Variants in FRAS1 observed in about 807,000 individuals in gnomAD.
The protein encoded by FRAS1 is Fraser extracellular matrix complex subunit 1.
In FRAS1, 290 loss-of-function variants were observed where a neutral mutation model predicts 435.2. The ratio of observed to expected loss-of-function variants is 0.67; its 90% CI spans 0.61 to 0.73. FRAS1 has a LOEUF of 0.73. Among genes scored for constraint, FRAS1 ranks in the 30% least tolerant of loss-of-function variants. The probability of loss-of-function intolerance (pLI) is 0.00; values close to 1 mark genes in which losing one functional copy is unlikely to be tolerated. For missense variants in FRAS1, 4,860 were observed against 5,001.5 expected (o/e 0.97, Z 0.85); for synonymous variants, 1,800 against 1,851.0 (o/e 0.97, Z 0.71).
intron 2 of FRAS1, among the ~76,000 whole-genome samples, chr4:78,078,932 A>G (rs993292482): frequency 6.6e-6 from 1 of 152,196 alleles, no homozygotes; most frequent in Non-Finnish European, 1.5e-5. Context: ...TAAGAAATCA[A>G]TTTAGAAGAA....
At chr4:78,111,949 G>T (rs1223047458) in intron 2 of FRAS1, among the ~76,000 whole-genome samples, 1 of 151,994 alleles carries the variant, frequency 6.6e-6, no homozygotes, top group Non-Finnish European at 1.5e-5. Flanking sequence ...CAAGAGGTAG[G>T]CAAAGATCCC....
intron 27 of FRAS1, among the ~76,000 whole-genome samples, chr4:78,380,299 T>C (rs1343602319): frequency 6.6e-6 from 1 of 151,906 alleles, no homozygotes; most frequent in African/African-American, 2.4e-5. Context: ...ACTGGTCATA[T>C]AACTAGATGT....
At chr4:78,291,524 C>T (rs766252158) in intron 14 of FRAS1, among the ~76,000 whole-genome samples, 2 of 152,080 alleles carry the variant, frequency 1.3e-5, no homozygotes, top group East Asian at 3.9e-4. Context: ...GGTTGGGGAC[C>T]GCTGGTTTAG....
At chr4:78,355,309 A>G (rs1423867839) in intron 20 of FRAS1, among the ~76,000 whole-genome samples, 1 of 152,118 alleles carries the variant, frequency 6.6e-6, no homozygotes, top group African/African-American at 2.4e-5. Context: ...CTCCCCCCAC[A>G]TACTTATTAT....
intron 2 of FRAS1, among the ~76,000 whole-genome samples, chr4:78,204,023 A>G (rs1723152695): frequency 6.6e-6 from 1 of 152,244 alleles, no homozygotes; most frequent in Non-Finnish European, 1.5e-5. Context: ...AGGCTGTGAT[A>G]TGCCCTACAA....
At chr4:78,187,706 C>T (rs1379313365) in intron 2 of FRAS1, among the ~76,000 whole-genome samples, 3 of 152,068 alleles carry the variant, frequency 2.0e-5, no homozygotes, top group Admixed American at 1.3e-4. Flanking sequence ...CAGGTTCAAG[C>T]GATTCTCCTG....
At chr4:78,275,972 CT>C (rs1270465471) in intron 9 of FRAS1, among the ~76,000 whole-genome samples, 1 of 152,234 alleles carries the variant, frequency 6.6e-6, no homozygotes, top group Admixed American at 6.5e-5. Context: ...TAGATTTGGT[CT>C]TTTCACATAG....
intron 66 of FRAS1, among the ~76,000 whole-genome samples, chr4:78,518,945 T>C (rs17470490): frequency 0.14 from 21,222 of 152,188 alleles, 1,777 homozygotes; most frequent in Non-Finnish European, 0.2. Flanking sequence ...AAATGATCAA[T>C]ACAGGGAGTT....
At chr4:78,503,651 T>C (rs1720746147) in intron 61 of FRAS1, among the ~76,000 whole-genome samples, 1 of 152,202 alleles carries the variant, frequency 6.6e-6, no homozygotes, top group Admixed American at 6.5e-5. Context: ...TTGTTGATCT[T>C]TTCAAAAAAC....
At chr4:78,070,164 T>C (rs1387355018) in intron 2 of FRAS1, among the ~76,000 whole-genome samples, 2 of 152,164 alleles carry the variant, frequency 1.3e-5, no homozygotes, top group African/African-American at 4.8e-5. Context: ...ATGCAAAACA[T>C]GTTTAGACAG....
At chr4:78,155,612 T>A (rs1454451774) in intron 2 of FRAS1, among the ~76,000 whole-genome samples, 2 of 152,220 alleles carry the variant, frequency 1.3e-5, no homozygotes, top group Non-Finnish European at 2.9e-5. Context: ...TCTAGGAGCT[T>A]ATTTATAACC....
intron 36 of FRAS1, among the ~76,000 whole-genome samples, chr4:78,429,804 T>C (rs1734141835): frequency 2.0e-5 from 3 of 152,220 alleles, no homozygotes; most frequent in Non-Finnish European, 2.9e-5. Flanking sequence ...TGGCCTAAAA[T>C]TAATTTTTAC....
At chr4:78,367,124 GC>G (rs765472768) in intron 22 of FRAS1, among the ~76,000 whole-genome samples, 3 of 152,160 alleles carry the variant, frequency 2.0e-5, no homozygotes, top group Non-Finnish European at 4.4e-5. Context: ...AAAGATTCAG[GC>G]CTGGCACAGT....
At chr4:78,403,588 G>T (rs1319267825) in intron 30 of FRAS1, among the ~76,000 whole-genome samples, 2 of 152,122 alleles carry the variant, frequency 1.3e-5, no homozygotes, top group African/African-American at 4.8e-5. Flanking sequence ...TGGACTTTGG[G>T]CTTTTTGTGA....
intron 2 of FRAS1, among the ~76,000 whole-genome samples, chr4:78,226,440 T>C (rs1002054939): frequency 2.6e-5 from 4 of 152,110 alleles, no homozygotes; most frequent in African/African-American, 9.6e-5. Flanking sequence ...ATTTTCATTC[T>C]TGAAAGGTAT....
chr4:78,493,266 A>G (rs1720417907), intron 59 of FRAS1, among the ~76,000 whole-genome samples: 1 of 152,210 alleles, frequency 6.6e-6, no homozygotes, highest in Non-Finnish European at 1.5e-5. Flanking sequence ...AGGATCTAGA[A>G]CCAGAAATAC....
chr4:78,146,065 A>G (rs1158659743), intron 2 of FRAS1, among the ~76,000 whole-genome samples: 1 of 152,204 alleles, frequency 6.6e-6, no homozygotes, highest in African/African-American at 2.4e-5. Flanking sequence ...TCTTTATGGC[A>G]GCATGAGAAT....
At position 78,446,874 on chromosome 4, in the gene FRAS1, G is replaced by T; in HGVS notation, c.6004G>T (p.Asp2002Tyr). The change falls in exon 43 of 74, where the codon GAC becomes TAC. Residue 2002 changes from aspartate (D) to tyrosine (Y), a missense_variant. By Grantham distance (160) the Asp-to-Tyr change is radical (BLOSUM62 -3). Transcript: ENST00000512123. ...CATTTTTGTATTGACAAAAAAGCCTGACCACGGTAGGGCACGAACTGCTAT... is the reference window on the plus strand; with the variant it reads ...CATTTTTGTATTGACAAAAAAGCCTTACCACGGTAGGGCACGAACTGCTAT... ...ELIFVLTKKP[D>Y]HGHVLWRQTA... 2 of 1,607,388 alleles carry T rather than the reference G, an allele frequency of 1.2e-6. No homozygotes were observed. The highest frequency in any genetic ancestry group is 2.2e-5 in the South Asian group (2 of 89,616).
chr4:78,058,082 G>C lies in FRAS1; in HGVS notation c.73G>C (p.Glu25Gln). The change falls in exon 1 of 74, where the codon GAA (glutamate) becomes CAA (glutamine). Residue 25 changes from glutamate to glutamine, a missense_variant. Transcript: ENST00000512123. The stretch of plus-strand genomic sequence containing the variant: ...ATTTGCAGTATTGCCTCATCATTCC[G>C]AAGGTGAGAGAGCGGTGCCGCGTGT... ...AEFAVLPHHS[E>Q]GACVYQDSLL... 1 of 1,613,410 alleles carries C rather than the reference G, an allele frequency of 6.2e-7. No homozygotes were observed. Among genetic ancestry groups the C allele is most frequent in the African/African-American group, 1.3e-5 (1 of 74,838 alleles).
Sources: gnomAD v4.1 joint callset for allele counts (sites outside exome capture counted in the v4.1 genomes callset) on GRCh38, gnomAD v4.1.1 for gene constraint, MANE v1.5 for transcripts, NCBI Gene and HGNC (gene_info 2026-07-23, HGNC 2026-07-21) for gene names.